The following SHROOM4 variants were observed in gnomAD, a reference collection of about 807,000 sequenced individuals.
SHROOM4 encodes the protein shroom family member 4, also known as protein Shroom4.
Under a neutral mutation model 80.3 loss-of-function variants are expected in SHROOM4, and 17 were observed. The observed-to-expected ratio is 0.21, with a 90% CI of 0.14 to 0.32. The LOEUF is 0.32. Among genes scored for constraint, SHROOM4 ranks in the 10% least tolerant of loss-of-function variants. The probability of loss-of-function intolerance (pLI) is 1.00; values close to 1 mark genes in which losing one functional copy is unlikely to be tolerated. For missense variants in SHROOM4, 993 were observed against 1,140.3 expected (o/e 0.87, Z 1.86); for synonymous variants, 400 against 437.5 (o/e 0.91, Z 1.07).
chrX:50,770,735 C>T (rs140103693), intron 1 of SHROOM4, among the ~76,000 whole-genome samples: 222 of 111,913 alleles, frequency 2.0e-3, no homozygotes, highest in Non-Finnish European at 3.6e-3. Flanking sequence ...TGGCCAAGTA[C>T]CAGGCGTCTG....
intron 1 of SHROOM4, among the ~76,000 whole-genome samples, chrX:50,778,042 G>A (rs1935546181): frequency 9.0e-6 from 1 of 111,238 alleles, no homozygotes; most frequent in African/African-American, 3.3e-5. Flanking sequence ...CACACTTCAG[G>A]CCTTTACCCT....
intron 1 of SHROOM4, among the ~76,000 whole-genome samples, chrX:50,804,179 AT>A (rs782135393): frequency 1.8e-5 from 2 of 111,742 alleles, no homozygotes; most frequent in Non-Finnish European, 3.8e-5. Flanking sequence ...AAATGATAAA[AT>A]GAATCTCTCT....
intron 4 of SHROOM4, among the ~76,000 whole-genome samples, chrX:50,630,561 C>T (rs1931013186): frequency 1.8e-5 from 2 of 110,884 alleles, no homozygotes; most frequent in African/African-American, 6.6e-5. Context: ...TTTATATTTC[C>T]TCTCCTCTTT....
At chrX:50,621,911 T>C (rs1020216715) in intron 5 of SHROOM4, among the ~76,000 whole-genome samples, 1 of 111,757 alleles carries the variant, frequency 8.9e-6, no homozygotes. Context: ...AGGCTGAGAA[T>C]GGAAAATCCT....
chrX:50,604,210 T>C (rs1557248140), intron 6 of SHROOM4, among the ~76,000 whole-genome samples: 1 of 111,921 alleles, frequency 8.9e-6, no homozygotes, highest in East Asian at 2.8e-4. Context: ...AAAAGAACAA[T>C]ACTAGCTAAC....
chrX:50,672,196 A>G (rs1390035256), intron 2 of SHROOM4, among the ~76,000 whole-genome samples: 2 of 112,216 alleles, frequency 1.8e-5, no homozygotes, highest in Non-Finnish European at 3.8e-5. Flanking sequence ...AAAATCATTG[A>G]TTACAGACCA....
In SHROOM4 at chrX:50,592,017, G is replaced by A. The variant is rs187973716; in HGVS notation, c.*4678C>T. On this transcript the variant is annotated 3_prime_UTR_variant, in exon 9 of 9. Transcript: ENST00000376020. ...CAGGCGTGAGCCACCATGCCCGGCC[G>A]GAACTGTTTTCTTAATAACATTTTC... The A allele has an allele frequency of 3.5e-4, 116 of 327,602 alleles. No individual in the cohort carries two copies. The highest frequency in any genetic ancestry group is 2.5e-3 in the African/African-American group (93 of 37,633). The allele number at this position is 327,602 out of a possible 1,213,427, so 27.0% of individuals were successfully genotyped here.
intron 1 of SHROOM4, among the ~76,000 whole-genome samples, chrX:50,795,137 TA>T (rs1228612308): frequency 0.013 from 36 of 2,668 alleles, 7 homozygotes; most frequent in African/African-American, 0.02. Context: ...GATATATATA[TA>T]TATATATGAT....
chrX:50,651,015 AGAG>A (rs1158431307), intron 2 of SHROOM4, among the ~76,000 whole-genome samples: 3 of 111,589 alleles, frequency 2.7e-5, no homozygotes, highest in African/African-American at 9.8e-5. Context: ...AGCAAGTTTG[AGAG>A]GAGGCCAGGC....
intron 1 of SHROOM4, among the ~76,000 whole-genome samples, chrX:50,705,684 C>T (rs1569547879): frequency 9.1e-6 from 1 of 109,600 alleles, no homozygotes; most frequent in Non-Finnish European, 1.9e-5. Context: ...CTTTTTCCAA[C>T]CCTCCCTACA....
intron 1 of SHROOM4, among the ~76,000 whole-genome samples, chrX:50,746,168 T>C (rs782603547): frequency 6.2e-5 from 7 of 112,116 alleles, no homozygotes; most frequent in Non-Finnish European, 1.1e-4. Context: ...GTACCTTCTA[T>C]TACTATAATC....
In SHROOM4 at chrX:50,774,570, A is replaced by G. The variant is rs961026954; in HGVS notation, c.117+39332T>C. On this transcript the variant is annotated intron_variant, in intron 1 of 8. Coordinates refer to ENST00000376020, the MANE Select transcript of SHROOM4 (RefSeq NM_020717.5). ...TCAGGATGGCCAAAAATTAAGGATT[A>G]TAATCCTCACCCACCAGGTGGCCAT... Among the ~76,000 whole-genome samples, 7 of 110,406 alleles carry G rather than the reference A, an allele frequency of 6.3e-5. 1 individual carries two copies. Among genetic ancestry groups the G allele is most frequent in the Admixed American group, 4.8e-4 (5 of 10,339 alleles).
intron 1 of SHROOM4, among the ~76,000 whole-genome samples, chrX:50,707,121 C>T (rs954304431): frequency 8.9e-6 from 1 of 111,820 alleles, no homozygotes; most frequent in Non-Finnish European, 1.9e-5. Context: ...GGGCATAAAC[C>T]AGATTCTAAT....
In SHROOM4 at chrX:50,813,155, G is replaced by T. The variant is rs868935273; in HGVS notation, c.117+747C>A. Among the ~76,000 whole-genome samples the T allele has an allele frequency of 1.2e-4, 10 of 83,080 alleles. No homozygotes were observed. The East Asian group carries it at 4.8e-3, about 40-fold the overall frequency. 72.1% of individuals were successfully genotyped at this position (83,080 alleles called of 115,157 possible). A position where few individuals can be genotyped will look rare whatever the true frequency, so the allele number is the denominator to read the frequency against. ...AAACCCTGGCGGCGGCGGCGGCGGCGGCAGTGGCGGCGGCGGCGGCGGCGG... is the reference window on the plus strand; with the variant it reads ...AAACCCTGGCGGCGGCGGCGGCGGCTGCAGTGGCGGCGGCGGCGGCGGCGG... On this transcript the variant is annotated intron_variant, in intron 1 of 8. Coordinates refer to ENST00000376020, the MANE Select transcript of SHROOM4 (RefSeq NM_020717.5).
At chrX:50,620,892 A>ATT (rs1930544914) in intron 5 of SHROOM4, among the ~76,000 whole-genome samples, 1 of 111,056 alleles carries the variant, frequency 9.0e-6, no homozygotes, top group African/African-American at 3.3e-5. Flanking sequence ...TTATATATAT[A>ATT]TTTTTTGGAC....
At chrX:50,777,241 G>A (rs1273038505) in intron 1 of SHROOM4, among the ~76,000 whole-genome samples, 1 of 111,429 alleles carries the variant, frequency 9.0e-6, no homozygotes, top group Non-Finnish European at 1.9e-5. Context: ...AGCCCAGTGG[G>A]AGTTCACTGT....
chrX:50,585,792 G>T (rs1333502113), downstream of SHROOM4, among the ~76,000 whole-genome samples: 2 of 111,138 alleles, frequency 1.8e-5, no homozygotes, highest in Admixed American at 9.5e-5. Flanking sequence ...AAAGATACAT[G>T]GTTTTTCTCA....
At position 50,588,277 on chromosome X, in the gene SHROOM4, T is replaced by C. The variant is rs1928799296; in HGVS notation, c.*8418A>G. Among the ~76,000 whole-genome samples the C allele has an allele frequency of 9.0e-6, 1 of 111,444 alleles. No individual in the cohort carries two copies. Among genetic ancestry groups the C allele is most frequent in the Non-Finnish European group, 1.9e-5 (1 of 53,070 alleles). On this transcript the variant is annotated 3_prime_UTR_variant, in exon 9 of 9. Transcript: ENST00000376020. ...GACCTGGTGCACACAGCAGGGTAGGTAAGGAAAGGAACCATCATCTACGGA... is the reference window on the plus strand; with the variant it reads ...GACCTGGTGCACACAGCAGGGTAGGCAAGGAAAGGAACCATCATCTACGGA...
At chrX:50,652,447 G>C (rs1557259003) in intron 2 of SHROOM4, among the ~76,000 whole-genome samples, 4 of 111,539 alleles carry the variant, frequency 3.6e-5, no homozygotes, top group South Asian at 3.8e-4. Context: ...ATTTGTTTAA[G>C]TTCCTTGTAG....
Sources: gnomAD v4.1 joint callset for allele counts (sites outside exome capture counted in the v4.1 genomes callset) on GRCh38, gnomAD v4.1.1 for gene constraint, MANE v1.5 for transcripts, NCBI Gene and HGNC (gene_info 2026-07-23, HGNC 2026-07-21) for gene names.